Variants in COL25A1 observed in about 807,000 individuals in gnomAD.
COL25A1 encodes collagen alpha-1(XXV) chain.
Under a neutral mutation model 128.4 loss-of-function variants are expected in COL25A1, and 103 were observed. The ratio of observed to expected loss-of-function variants is 0.80; its 90% CI spans 0.68 to 0.94. COL25A1 has a LOEUF of 0.94. COL25A1 is among the 40% of genes least tolerant of loss of function. The pLI is 0.00. For missense variants in COL25A1, 745 were observed against 840.0 expected (o/e 0.89, Z 1.40); for synonymous variants, 279 against 277.2 (o/e 1.01, Z -0.06).
intron 22 of COL25A1, 31 bp from the exon 23 acceptor site, chr4:108,861,002 T>C (rs1560764226): frequency 1.9e-6 from 3 of 1,596,616 alleles, no homozygotes; most frequent in Non-Finnish European, 2.6e-6. Context: ...AAAAACTTAA[T>C]CAGAAGTGGG....
At chr4:108,967,483 A>G (rs1751445377) in intron 8 of COL25A1, among the ~76,000 whole-genome samples, 1 of 152,208 alleles carries the variant, frequency 6.6e-6, no homozygotes, top group African/African-American at 2.4e-5. Flanking sequence ...AAATATGGGA[A>G]GAAAAATCAG....
intron 19 of COL25A1, among the ~76,000 whole-genome samples, chr4:108,869,656 T>A (rs887706987): frequency 6.6e-6 from 1 of 152,208 alleles, no homozygotes; most frequent in Admixed American, 6.5e-5. Context: ...ATATTTGGTG[T>A]TGGAAAATAC....
intron 6 of COL25A1, among the ~76,000 whole-genome samples, chr4:108,981,688 A>G (rs896380123): frequency 6.6e-6 from 1 of 152,172 alleles, no homozygotes; most frequent in Admixed American, 6.5e-5. Context: ...TGATCTTTAA[A>G]TGGTTAATTA....
rs142748710 is a variant in COL25A1, at chr4:109,081,725, A to T, written c.368-31546T>A. 4.8e-3 allele frequency among the ~76,000 whole-genome samples: 720 copies of T among 151,278 alleles called. 8 individuals are homozygous for T. The highest frequency in any genetic ancestry group is 0.013 in the Admixed American group (203 of 15,222). ...TTTTTCTTTTATTTTTTTTTTTGAG[A>T]CAGAGTCTCATTCTGTCGGCCAGGC... On this transcript the variant is annotated intron_variant, in intron 3 of 37. Coordinates refer to ENST00000399132, the MANE Select transcript of COL25A1 (RefSeq NM_198721.4).
At chr4:109,272,176 C>G (rs934605629) in intron 3 of COL25A1, among the ~76,000 whole-genome samples, 2 of 151,986 alleles carry the variant, frequency 1.3e-5, no homozygotes, top group Non-Finnish European at 2.9e-5. Context: ...GTCAAGGCTG[C>G]GATGAGCCAT....
chr4:108,846,905 A>ATTTTTTTTT (rs36023184), intron 27 of COL25A1, among the ~76,000 whole-genome samples: 4 of 131,816 alleles, frequency 3.0e-5, no homozygotes, highest in Non-Finnish European at 4.7e-5. Context: ...GAATTTTGTA[A>ATTTTTTTTT]TTTTTTTTTT....
intron 3 of COL25A1, among the ~76,000 whole-genome samples, chr4:109,095,840 T>C (rs928263598): frequency 5.3e-5 from 8 of 152,202 alleles, no homozygotes; most frequent in Non-Finnish European, 7.3e-5. Flanking sequence ...TCAGCTGTCA[T>C]ATGATCCCTG....
intron 6 of COL25A1, among the ~76,000 whole-genome samples, chr4:108,999,371 A>G (rs187416802): frequency 6.6e-6 from 1 of 152,372 alleles, no homozygotes; most frequent in East Asian, 1.9e-4. Context: ...AAAAATGGTC[A>G]TCATCACTGG....
intron 3 of COL25A1, among the ~76,000 whole-genome samples, chr4:109,075,662 T>C (rs563622030): frequency 6.6e-6 from 1 of 152,228 alleles, no homozygotes; most frequent in African/African-American, 2.4e-5. Flanking sequence ...AGGAAAAAAG[T>C]TAACACAATA....
chr4:108,858,302 A>C (rs560212884), intron 24 of COL25A1, among the ~76,000 whole-genome samples: 1 of 152,300 alleles, frequency 6.6e-6, no homozygotes, highest in East Asian at 1.9e-4. Context: ...AGGAGGCACT[A>C]GGGAAAGAGT....
At chr4:108,995,805 G>A (rs1754716174) in intron 6 of COL25A1, among the ~76,000 whole-genome samples, 1 of 152,140 alleles carries the variant, frequency 6.6e-6, no homozygotes, top group South Asian at 2.1e-4. Context: ...GAGAGTGGGG[G>A]CCAATATTCA....
chr4:108,939,301 A>G (rs1480457322), intron 10 of COL25A1, among the ~76,000 whole-genome samples: 1 of 152,228 alleles, frequency 6.6e-6, no homozygotes, highest in Non-Finnish European at 1.5e-5. Context: ...ATTAGAAGAC[A>G]GTTACAGAAT....
chr4:109,247,088 G>A (rs776536218), intron 3 of COL25A1, among the ~76,000 whole-genome samples: 8 of 152,236 alleles, frequency 5.3e-5, no homozygotes, highest in Non-Finnish European at 1.0e-4. Context: ...TTGAGGCTGG[G>A]TGTGGTGGTT....
At chr4:109,148,195 T>G (rs1235650631) in intron 3 of COL25A1, among the ~76,000 whole-genome samples, 1 of 152,234 alleles carries the variant, frequency 6.6e-6, no homozygotes, top group African/African-American at 2.4e-5. Context: ...AACAGAAATT[T>G]ATAGTCATAG....
Position 108,845,195 on chromosome 4 carries a change from A to G in COL25A1, c.1572T>C (p.Gly524=), listed in dbSNP as rs760798075. The change falls in exon 29 of 38, where the codon GGT becomes GGC. Residue 524 remains glycine (G), a synonymous_variant. Coordinates refer to ENST00000399132, the MANE Select transcript of COL25A1 (RefSeq NM_198721.4). ...KGDSGMPGPQ[G]PSIIGPPGPP... ...TCAGCCACCATGGACTTACAGAAGG[A>G]CCCTGTGGACCCGGCATTCCAGAAT... 2 of 1,613,536 alleles carry G rather than the reference A, an allele frequency of 1.2e-6. No individual in the cohort carries two copies. Among genetic ancestry groups the G allele is most frequent in the South Asian group, 2.2e-5 (2 of 91,082 alleles).
chr4:108,981,362 A>AGG (rs768565628), intron 6 of COL25A1, among the ~76,000 whole-genome samples: 4 of 152,196 alleles, frequency 2.6e-5, no homozygotes, highest in Non-Finnish European at 5.9e-5. Flanking sequence ...CAAACCACTA[A>AGG]GTTGTTTTAT....
In COL25A1 at chr4:108,931,161, G is replaced by C. The variant is rs139789922; in HGVS notation, c.708+6647C>G. 2.0e-5 allele frequency among the ~76,000 whole-genome samples: 3 copies of C among 152,244 alleles called. No individual in the cohort carries two copies. The East Asian group carries it at 5.8e-4, about 29-fold the overall frequency. On this transcript the variant is annotated intron_variant, in intron 11 of 37. Coordinates refer to ENST00000399132, the MANE Select transcript of COL25A1 (RefSeq NM_198721.4). ...TTCTTCTATTCAAAACTTAGCATAT[G>C]ACTGTTCATTGCTTTTAATTATTTA...
intron 8 of COL25A1, among the ~76,000 whole-genome samples, chr4:108,974,001 G>A (rs1752178292): frequency 6.6e-6 from 1 of 152,206 alleles, no homozygotes; most frequent in Non-Finnish European, 1.5e-5. Flanking sequence ...TTTAACTGCA[G>A]CAAAAGGCCA....
intron 3 of COL25A1, among the ~76,000 whole-genome samples, chr4:109,287,270 T>C (rs1297958165): frequency 6.6e-6 from 1 of 152,212 alleles, no homozygotes; most frequent in African/African-American, 2.4e-5. Context: ...CTTCATCTAA[T>C]GTTTAGGTGA....
Sources: allele counts gnomAD v4.1 joint callset (sites outside exome capture counted in the v4.1 genomes callset), GRCh38; gene constraint gnomAD v4.1.1; transcripts MANE v1.5; gene names NCBI Gene and HGNC (gene_info 2026-07-23, HGNC 2026-07-21).